NOL10: variants seen among roughly 807,000 people sequenced by gnomAD.
NOL10 encodes the protein H_NH0074G24.1.
Under a neutral mutation model 103.5 loss-of-function variants are expected in NOL10, and 58 were observed. That is an observed-to-expected ratio of 0.56 (90% confidence interval 0.45 to 0.70). The LOEUF (loss-of-function observed/expected upper bound fraction) is 0.70. Ranked by LOEUF, NOL10 falls within the 30% of genes least tolerant of loss-of-function variation. The pLI is 0.00. For missense variants in NOL10, 763 were observed against 807.3 expected, an observed-to-expected ratio of 0.95 and a Z score of 0.67; for synonymous variants, 287 against 282.5, an observed-to-expected ratio of 1.02 and a Z score of -0.16.
rs192743690 is a variant in NOL10 at position 10,589,315 on chromosome 2, A to C, written c.1597-25T>G. ...CCTGAGAATAAAAATAGTAAGCAGC[A>C]ACTCCTTTCCCCCAGTCAAACACAG... is the stretch of plus-strand genomic sequence containing the variant. On this transcript the variant is annotated intron_variant, in intron 18 of 20. Coordinates refer to ENST00000381685, the MANE Select transcript of NOL10 (RefSeq NM_024894.4). 4.4e-4 allele frequency: 703 copies of C among 1,610,890 alleles called. 5 individuals are homozygous for C. In the East Asian group the frequency reaches 0.015, roughly 34 times the overall value.
chr2:10,649,593 T>G (rs895120687), intron 12 of NOL10, among the ~76,000 whole-genome samples: 3 of 152,164 alleles, frequency 2.0e-5, no homozygotes, highest in Admixed American at 2.0e-4. Context: ...GTACTAGGAC[T>G]ACAGGCATGA....
At chr2:10,671,309 T>C (rs1425574622) in intron 6 of NOL10, among the ~76,000 whole-genome samples, 1 of 152,164 alleles carries the variant, frequency 6.6e-6, no homozygotes, top group Non-Finnish European at 1.5e-5. Flanking sequence ...TAGAAAATAT[T>C]GTATTAAGCA....
chr2:10,659,370 A>G (rs1443929228), intron 9 of NOL10, 120 bp from the exon 10 acceptor site: 4 of 658,786 alleles, frequency 6.1e-6, no homozygotes, highest in Non-Finnish European at 1.1e-5. Flanking sequence ...TCACATTTCT[A>G]GGCTTCTGTT....
intron 11 of NOL10, among the ~76,000 whole-genome samples, chr2:10,655,373 C>T (rs1323091236): frequency 1.3e-5 from 2 of 152,140 alleles, no homozygotes; most frequent in African/African-American, 4.8e-5. Context: ...ATGAGGACAA[C>T]ACTGCCATGC....
chr2:10,637,191 A>AAAAAC (rs1337737669), intron 13 of NOL10, among the ~76,000 whole-genome samples: 1 of 115,578 alleles, frequency 8.7e-6, no homozygotes, highest in Non-Finnish European at 1.7e-5. Flanking sequence ...ACTGTCTCAA[A>AAAAAC]AAAAAAAAAA....
At chr2:10,590,210 G>T (rs533995769) in intron 17 of NOL10, among the ~76,000 whole-genome samples, 2 of 152,248 alleles carry the variant, frequency 1.3e-5, no homozygotes, top group African/African-American at 4.8e-5. Flanking sequence ...GGGCTCAAGT[G>T]ATCCTCCCAC....
chr2:10,601,914 T>C lies in NOL10; in HGVS notation c.1332+862A>G, dbSNP rs1675993889. Among the ~76,000 whole-genome samples, 4 of 152,242 alleles carry C rather than the reference T, an allele frequency of 2.6e-5. No individual in the cohort carries two copies. In the South Asian group the frequency reaches 8.3e-4, roughly 31 times the overall value. ...CTTTTATAGTGACAGAGTATGTACG[T>C]ATACCAACGTTCAGTTATACACATT... On this transcript the variant is annotated intron_variant, in intron 16 of 20. Transcript: ENST00000381685.
At chr2:10,637,718 C>T (rs1678358942) in intron 13 of NOL10, among the ~76,000 whole-genome samples, 1 of 152,184 alleles carries the variant, frequency 6.6e-6, no homozygotes, top group Non-Finnish European at 1.5e-5. Flanking sequence ...TGCTTCTTAA[C>T]ACATAGTGTC....
chr2:10,686,604 G>A (rs969898062), intron 1 of NOL10, among the ~76,000 whole-genome samples: 2 of 152,198 alleles, frequency 1.3e-5, no homozygotes, highest in Admixed American at 1.3e-4. Context: ...AAACTGCTTA[G>A]AAGTCAACTG....
Position 10,577,752 on chromosome 2 carries a change from A to T in NOL10, c.1845-14T>A. 1 of 1,520,622 alleles carries T rather than the reference A, an allele frequency of 6.6e-7. No homozygotes were observed. The highest frequency in any genetic ancestry group is 9.1e-7 in the Non-Finnish European group (1 of 1,103,180). The allele number at this position is 1,520,622 out of a possible 1,614,324, so 94.2% of individuals were successfully genotyped here. On this transcript the variant is annotated splice_polypyrimidine_tract_variant and intron_variant, in intron 19 of 20. Transcript: ENST00000381685. ...TCAAGGGTTTTGCTATGGGAAATTC[A>T]AAAGAATGCCACATTAATCAAAATT...
intron 13 of NOL10, among the ~76,000 whole-genome samples, chr2:10,610,825 T>A (rs1408388850): frequency 4.6e-5 from 7 of 152,236 alleles, no homozygotes; most frequent in Non-Finnish European, 8.8e-5. Context: ...TTCCACATTT[T>A]ACAACTTGAG....
chr2:10,617,008 C>A (rs1171267779), intron 13 of NOL10, among the ~76,000 whole-genome samples: 2 of 135,586 alleles, frequency 1.5e-5, no homozygotes, highest in East Asian at 4.4e-4. Flanking sequence ...TACTCAGTGA[C>A]AAAACACAGA....
At chr2:10,591,513 T>G (rs1288421089) in intron 17 of NOL10, among the ~76,000 whole-genome samples, 1 of 152,000 alleles carries the variant, frequency 6.6e-6, no homozygotes, top group Non-Finnish European at 1.5e-5. Flanking sequence ...TCAAAACAAT[T>G]TTTTGATTGG....
intron 12 of NOL10, among the ~76,000 whole-genome samples, chr2:10,651,267 C>A (rs577429685): frequency 2.0e-5 from 3 of 152,286 alleles, no homozygotes; most frequent in South Asian, 4.1e-4. Flanking sequence ...CCAGGCTCAA[C>A]AATCCCCGCT....
intron 5 of NOL10, among the ~76,000 whole-genome samples, chr2:10,672,568 G>T (rs1484057631): frequency 6.6e-6 from 1 of 152,146 alleles, no homozygotes; most frequent in Non-Finnish European, 1.5e-5. Context: ...TTCCAAAACT[G>T]AAAATATAAA....
intron 3 of NOL10, among the ~76,000 whole-genome samples, chr2:10,676,689 G>A (rs1403658830): frequency 6.6e-6 from 1 of 151,270 alleles, no homozygotes; most frequent in Non-Finnish European, 1.5e-5. Context: ...TTAGACTGGG[G>A]TGCAATGGCG....
chr2:10,681,274 T>C (rs1246968386), intron 3 of NOL10, among the ~76,000 whole-genome samples: 4 of 136,944 alleles, frequency 2.9e-5, no homozygotes, highest in African/African-American at 1.2e-4. Context: ...TGAAATATCT[T>C]TTGGTAATAA....
chr2:10,633,203 GTGTC>G (rs1429749045), intron 13 of NOL10, among the ~76,000 whole-genome samples: 4 of 152,128 alleles, frequency 2.6e-5, no homozygotes, highest in African/African-American at 4.8e-5. Flanking sequence ...GAACTTGGCT[GTGTC>G]TGTCTTTCTT....
chr2:10,619,650 A>C (rs1170993299), intron 13 of NOL10, among the ~76,000 whole-genome samples: 1 of 151,890 alleles, frequency 6.6e-6, no homozygotes, highest in Admixed American at 6.6e-5. Flanking sequence ...AGCATAAAAA[A>C]ATCCTCAGCT....
Sources: gnomAD v4.1 joint callset for allele counts (sites outside exome capture counted in the v4.1 genomes callset) on GRCh38, gnomAD v4.1.1 for gene constraint, MANE v1.5 for transcripts, NCBI Gene and HGNC (gene_info 2026-07-23, HGNC 2026-07-21) for gene names.